The following ARHGAP15 variants were observed in gnomAD, a reference collection of about 807,000 sequenced individuals.
ARHGAP15 encodes Rho GTPase activating protein 15.
A neutral mutation model predicts 63.7 loss-of-function variants in ARHGAP15; 51 were observed. The observed-to-expected ratio is 0.80, with a 90% CI of 0.64 to 1.01. The LOEUF is 1.01. ARHGAP15 is among the 50% of genes least tolerant of loss of function. ARHGAP15 has a pLI of 0.00. For missense variants in ARHGAP15, 560 were observed against 564.6 expected (o/e 0.99, Z 0.08); for synonymous variants, 191 against 193.8 (o/e 0.99, Z 0.12).
At chr2:143,645,865 A>G (rs1374601609) in intron 12 of ARHGAP15, among the ~76,000 whole-genome samples, 7 of 152,114 alleles carry the variant, frequency 4.6e-5, no homozygotes. Flanking sequence ...TCTCTCTTGC[A>G]GAATCTCTTT....
chr2:143,273,865 T>G (rs1449625021), intron 6 of ARHGAP15, among the ~76,000 whole-genome samples: 1 of 152,180 alleles, frequency 6.6e-6, no homozygotes, highest in African/African-American at 2.4e-5. Flanking sequence ...ATACAAAGAT[T>G]ATTGAACATA....
chr2:143,455,530 G>A (rs747451121), intron 8 of ARHGAP15, among the ~76,000 whole-genome samples: 42 of 152,000 alleles, frequency 2.8e-4, no homozygotes, highest in Non-Finnish European at 5.9e-5. Flanking sequence ...TATTCAAGAT[G>A]GAGTTGCTCT....
intron 9 of ARHGAP15, among the ~76,000 whole-genome samples, chr2:143,513,120 GAGA>G (rs1210053809): frequency 2.0e-5 from 3 of 152,218 alleles, no homozygotes; most frequent in Admixed American, 2.0e-4. Flanking sequence ...GGCTATAAGT[GAGA>G]AGAACAGTTT....
chr2:143,310,869 A>C (rs183735172), intron 6 of ARHGAP15, among the ~76,000 whole-genome samples: 4 of 152,108 alleles, frequency 2.6e-5, no homozygotes, highest in Admixed American at 1.3e-4. Flanking sequence ...GAGGATATAG[A>C]ATTTTGGAAC....
intron 1 of ARHGAP15, among the ~76,000 whole-genome samples, chr2:143,146,327 A>G (rs1466881906): frequency 2.6e-5 from 4 of 152,128 alleles, no homozygotes; most frequent in Non-Finnish European, 2.9e-5. Flanking sequence ...TCACAAAAGA[A>G]TATTGCATAG....
At chr2:143,271,932 T>A (rs1265936058) in intron 6 of ARHGAP15, among the ~76,000 whole-genome samples, 1 of 152,246 alleles carries the variant, frequency 6.6e-6, no homozygotes, top group East Asian at 1.9e-4. Flanking sequence ...GAAATGTATT[T>A]TAATTTTAAA....
chr2:143,177,802 G>C (rs889574888), intron 2 of ARHGAP15, among the ~76,000 whole-genome samples: 4 of 152,120 alleles, frequency 2.6e-5, no homozygotes, highest in Non-Finnish European at 5.9e-5. Flanking sequence ...TCTTAAGCCA[G>C]ACATTAAAGA....
Position 143,340,483 on chromosome 2 carries a change from T to C in ARHGAP15, c.474+89883T>C, listed in dbSNP as rs1285631830. ...TGATGTAATTTTCATTTGCTGTCTA[T>C]TATAGCTGATTTTATCCTAAATTTT... On this transcript the variant is annotated intron_variant, in intron 6 of 13. Transcript: ENST00000295095. Among the ~76,000 whole-genome samples, 3 of 152,116 alleles carry C rather than the reference T, an allele frequency of 2.0e-5. No homozygotes were observed. In the East Asian group the frequency reaches 5.8e-4, roughly 29 times the overall value.
At chr2:143,446,428 C>T (rs916677423) in intron 8 of ARHGAP15, among the ~76,000 whole-genome samples, 4 of 151,798 alleles carry the variant, frequency 2.6e-5, no homozygotes, top group African/African-American at 4.8e-5. Flanking sequence ...TAAACAAATG[C>T]GTAATTTTTT....
At chr2:143,715,716 T>C (rs564692233) in intron 13 of ARHGAP15, among the ~76,000 whole-genome samples, 3 of 152,238 alleles carry the variant, frequency 2.0e-5, no homozygotes, top group Non-Finnish European at 4.4e-5. Flanking sequence ...GCAGAAGTTC[T>C]TTAGTTCAAT....
chr2:143,359,649 G>C (rs528014125), intron 6 of ARHGAP15, among the ~76,000 whole-genome samples: 1 of 152,270 alleles, frequency 6.6e-6, no homozygotes, highest in African/African-American at 2.4e-5. Flanking sequence ...CTTGATAGGA[G>C]ATATGTGCAG....
At chr2:143,429,849 C>A (rs113001464) in intron 6 of ARHGAP15, among the ~76,000 whole-genome samples, 1 of 152,022 alleles carries the variant, frequency 6.6e-6, no homozygotes, top group African/African-American at 2.4e-5. Flanking sequence ...AAGTATAAAA[C>A]ATTTTTCTGA....
chr2:143,329,587 G>A (rs767379439), intron 6 of ARHGAP15, among the ~76,000 whole-genome samples: 26 of 152,224 alleles, frequency 1.7e-4, no homozygotes, highest in South Asian at 1.0e-3. Flanking sequence ...GCTCATCTGT[G>A]CACAGACTTC....
chr2:143,503,225 G>T (rs1574542566), intron 9 of ARHGAP15, among the ~76,000 whole-genome samples: 1 of 152,194 alleles, frequency 6.6e-6, no homozygotes, highest in African/African-American at 2.4e-5. Context: ...TAATGTTTGA[G>T]TATGTAAAGC....
intron 8 of ARHGAP15, among the ~76,000 whole-genome samples, chr2:143,448,359 T>G (rs1690243415): frequency 6.6e-6 from 1 of 152,086 alleles, no homozygotes; most frequent in Admixed American, 6.6e-5. Context: ...TGAACAGATT[T>G]GATTTTTAGA....
At chr2:143,235,242 G>GTTTT (rs11447778) in intron 5 of ARHGAP15, among the ~76,000 whole-genome samples, 59 of 136,012 alleles carry the variant, frequency 4.3e-4, no homozygotes, top group South Asian at 1.4e-3. Context: ...TAGTAGAGTT[G>GTTTT]TTTTTTTTTT....
intron 13 of ARHGAP15, among the ~76,000 whole-genome samples, chr2:143,732,911 T>G (rs891904986): frequency 2.5e-5 from 1 of 40,256 alleles, no homozygotes; most frequent in Non-Finnish European, 5.4e-5. Context: ...TGTTTTTGGG[T>G]TTTTTTTTTT....
At chr2:143,255,532 T>C (rs1178141628) in intron 6 of ARHGAP15, among the ~76,000 whole-genome samples, 1 of 152,136 alleles carries the variant, frequency 6.6e-6, no homozygotes, top group African/African-American at 2.4e-5. Context: ...CATAATTTGA[T>C]CTTTCTGATC....
At chr2:143,554,786 A>G (rs1695717611) in intron 10 of ARHGAP15, among the ~76,000 whole-genome samples, 1 of 152,174 alleles carries the variant, frequency 6.6e-6, no homozygotes, top group Non-Finnish European at 1.5e-5. Flanking sequence ...TTAAGCTGTC[A>G]AGCAGAAATT....
Sources: gnomAD v4.1 joint callset for allele counts (sites outside exome capture counted in the v4.1 genomes callset) on GRCh38, gnomAD v4.1.1 for gene constraint, MANE v1.5 for transcripts, NCBI Gene and HGNC (gene_info 2026-07-23, HGNC 2026-07-21) for gene names.